SAXO1: variants seen among roughly 807,000 people sequenced by gnomAD.
SAXO1 encodes stabilizer of axonemal microtubules 1, also known as 4930500O09Rik.
In SAXO1, 21 loss-of-function variants were observed where a neutral mutation model predicts 17.5. That is an observed-to-expected ratio of 1.20 (90% confidence interval 0.85 to 1.72). The LOEUF (loss-of-function observed/expected upper bound fraction) is 1.72. Among genes scored for constraint, SAXO1 ranks in the 40% most tolerant of loss-of-function variants. The pLI is 0.00. For missense variants in SAXO1, 843 were observed against 596.0 expected (o/e 1.41, Z -4.32); for synonymous variants, 274 against 216.5 (o/e 1.27, Z -2.33).
chr9:19,004,884 C>T (rs1041374461), intron 1 of SAXO1, among the ~76,000 whole-genome samples: 1 of 151,936 alleles, frequency 6.6e-6, no homozygotes, highest in Admixed American at 6.6e-5. Flanking sequence ...AAAAGAAATG[C>T]AAATTTAACA....
At chr9:18,982,174 C>G (rs1302626293) in intron 1 of SAXO1, among the ~76,000 whole-genome samples, 2 of 152,192 alleles carry the variant, frequency 1.3e-5, no homozygotes, top group Non-Finnish European at 2.9e-5. Context: ...TGCCACAATC[C>G]TCAATACTAA....
chr9:18,928,919 T>A lies in SAXO1; in HGVS notation c.558A>T (p.Ile186=), dbSNP rs765401083. Residue 186 remains isoleucine, a synonymous_variant, in exon 4 of 4, where the codon ATA becomes ATT. Coordinates refer to ENST00000380534, the MANE Select transcript of SAXO1 (RefSeq NM_153707.4). ...DYPIKGLVKT[I]SCKPLAMPKL... ...TTGGCATGGCCAGAGGTTTACAGCT[T>A]ATGGTCTTCACAAGGCCTTTTATGG... 6.2e-6 allele frequency: 10 copies of A among 1,614,048 alleles called. No individual in the cohort carries two copies. In the South Asian group the frequency reaches 1.1e-4, roughly 18 times the overall value.
intron 1 of SAXO1, among the ~76,000 whole-genome samples, chr9:18,951,674 C>T (rs563000236): frequency 1.2e-4 from 19 of 152,306 alleles, no homozygotes; most frequent in Non-Finnish European, 2.6e-4. Context: ...CTGTGTATGC[C>T]TGTCCCATCA....
chr9:19,000,384 G>C (rs1228185272), intron 1 of SAXO1, among the ~76,000 whole-genome samples: 3 of 147,454 alleles, frequency 2.0e-5, no homozygotes, highest in Non-Finnish European at 4.5e-5. Flanking sequence ...AACTGACTGG[G>C]AAGTGAGGAG....
intron 1 of SAXO1, among the ~76,000 whole-genome samples, chr9:18,970,194 A>G (rs1270556702): frequency 6.6e-6 from 1 of 152,254 alleles, no homozygotes; most frequent in East Asian, 1.9e-4. Context: ...ATGTGTGAAC[A>G]TGTTAAATGT....
At chr9:19,015,803 C>T (rs1834951482) in intron 1 of SAXO1, among the ~76,000 whole-genome samples, 1 of 152,070 alleles carries the variant, frequency 6.6e-6, no homozygotes. Flanking sequence ...TGAAAAAACA[C>T]ACCTTTGTGT....
intron 1 of SAXO1, chr9:19,027,905 A>G: frequency 7.3e-7 from 1 of 1,376,342 alleles, no homozygotes; most frequent in Non-Finnish European, 1.0e-6. Context: ...CCTGGGCCAG[A>G]ATCATGCAGA....
At position 19,033,073 on chromosome 9, in the gene SAXO1, T is replaced by C; in HGVS notation, c.-165A>G. 2 of 641,146 alleles carry C rather than the reference T, an allele frequency of 3.1e-6. No individual in the cohort carries two copies. Among genetic ancestry groups the C allele is most frequent in the Non-Finnish European group, 5.0e-6 (2 of 402,124 alleles). 39.7% of individuals were successfully genotyped at this position (641,146 alleles called of 1,614,324 possible). A position where few individuals can be genotyped will look rare whatever the true frequency, so the allele number is the denominator to read the frequency against. On this transcript the variant is annotated 5_prime_UTR_variant, in exon 1 of 4. Coordinates refer to ENST00000380534, the MANE Select transcript of SAXO1 (RefSeq NM_153707.4). Reference sequence around the variant, plus strand: ...GTGGCCCTTTTGCAATGTCCTGTCGTCTGTTGCCCTCCTGGAGCTGGCCTA... The same window carrying C: ...GTGGCCCTTTTGCAATGTCCTGTCGCCTGTTGCCCTCCTGGAGCTGGCCTA...
intron 1 of SAXO1, among the ~76,000 whole-genome samples, chr9:19,030,131 A>T (rs1395000840): frequency 6.6e-6 from 1 of 152,176 alleles, no homozygotes; most frequent in African/African-American, 2.4e-5. Flanking sequence ...CGGGCCTTAC[A>T]AGTCCAGCAG....
chr9:18,953,529 C>T (rs530736142), intron 1 of SAXO1, among the ~76,000 whole-genome samples: 1 of 152,144 alleles, frequency 6.6e-6, no homozygotes, highest in Non-Finnish European at 1.5e-5. Flanking sequence ...TTAACTGAAA[C>T]CTTGTCTCAC....
At chr9:18,932,277 A>G (rs1831086769) in intron 3 of SAXO1, among the ~76,000 whole-genome samples, 1 of 152,226 alleles carries the variant, frequency 6.6e-6, no homozygotes, top group East Asian at 1.9e-4. Context: ...ACCATTCATC[A>G]AAAAGACTAT....
intron 1 of SAXO1, among the ~76,000 whole-genome samples, chr9:18,979,675 G>A (rs1833291406): frequency 6.6e-6 from 1 of 152,198 alleles, no homozygotes; most frequent in South Asian, 2.1e-4. Flanking sequence ...TGGGCTGAGA[G>A]GATAACAGCC....
chr9:18,957,697 G>T (rs991156702), intron 1 of SAXO1, among the ~76,000 whole-genome samples: 1 of 152,160 alleles, frequency 6.6e-6, no homozygotes, highest in East Asian at 1.9e-4. Flanking sequence ...TGATTCTAGG[G>T]TGCCTGGAAT....
chr9:18,957,198 A>G (rs1169518477), intron 1 of SAXO1, among the ~76,000 whole-genome samples: 1 of 152,146 alleles, frequency 6.6e-6, no homozygotes, highest in Admixed American at 6.6e-5. Context: ...CAGACCAACA[A>G]ATAGATTTAA....
intron 1 of SAXO1, chr9:19,028,229 AG>A: frequency 1.1e-6 from 1 of 892,974 alleles, no homozygotes; most frequent in South Asian, 1.7e-5. Context: ...TACAAAAATT[AG>A]CCGGCCGTAG....
chr9:18,940,282 T>C (rs1033420413), intron 3 of SAXO1, among the ~76,000 whole-genome samples: 3 of 152,156 alleles, frequency 2.0e-5, no homozygotes, highest in Admixed American at 2.0e-4. Flanking sequence ...CAGGGTATGA[T>C]AACATTCAGA....
intron 1 of SAXO1, among the ~76,000 whole-genome samples, chr9:18,978,350 C>T (rs1406012107): frequency 6.6e-6 from 1 of 152,220 alleles, no homozygotes; most frequent in Non-Finnish European, 1.5e-5. Flanking sequence ...GGACCCTGTC[C>T]TGCCTTCTCA....
chr9:19,023,847 A>AC lies in SAXO1; in HGVS notation c.38+9023_38+9024insG, dbSNP rs1308248149. Among the ~76,000 whole-genome samples, 656 of 151,822 alleles carry AC rather than the reference A, an allele frequency of 4.3e-3. 8 individuals carry two copies. Among genetic ancestry groups the AC allele is most frequent in the African/African-American group, 0.015 (617 of 41,342 alleles). On this transcript the variant is annotated intron_variant, in intron 1 of 3. Transcript: ENST00000380534. The stretch of plus-strand genomic sequence containing the variant: ...GGAAGGAAAGGGAGGAAAGGAACGA[A>AC]GGAACGAACAAAGGGGGCCAGGCAC...
intron 3 of SAXO1, 94 bp downstream of exon 3, chr9:18,941,543 T>C: frequency 3.5e-6 from 5 of 1,423,622 alleles, no homozygotes; most frequent in Non-Finnish European, 4.9e-6. Context: ...TGCCAACTCT[T>C]GCACTAACTG....
Sources: gnomAD v4.1 joint callset for allele counts (sites outside exome capture counted in the v4.1 genomes callset) on GRCh38, gnomAD v4.1.1 for gene constraint, MANE v1.5 for transcripts, NCBI Gene and HGNC (gene_info 2026-07-23, HGNC 2026-07-21) for gene names.